The following YIPF4 variants were observed in gnomAD, a reference collection of about 807,000 sequenced individuals.
YIPF4 encodes the protein protein YIPF4.
In YIPF4, 18 loss-of-function variants were observed where a neutral mutation model predicts 29.4. The ratio of observed to expected loss-of-function variants is 0.61; its 90% CI spans 0.42 to 0.91. The LOEUF is 0.91. YIPF4 is among the 40% of genes least tolerant of loss of function. The probability of loss-of-function intolerance (pLI) is 0.00; values close to 1 mark genes in which losing one functional copy is unlikely to be tolerated. For missense variants in YIPF4, 279 were observed against 282.7 expected, an observed-to-expected ratio of 0.99 and a Z score of 0.09; for synonymous variants, 115 against 104.7, an observed-to-expected ratio of 1.10 and a Z score of -0.60.
At chr2:32,303,427 G>C (rs1332087155) in intron 5 of YIPF4, among the ~76,000 whole-genome samples, 1 of 152,190 alleles carries the variant, frequency 6.6e-6, no homozygotes, top group East Asian at 1.9e-4. Flanking sequence ...TATAAAATAG[G>C]CCAGGTATGG....
At chr2:32,284,370 A>G (rs1285291454) in intron 1 of YIPF4, among the ~76,000 whole-genome samples, 1 of 152,174 alleles carries the variant, frequency 6.6e-6, no homozygotes, top group African/African-American at 2.4e-5. Flanking sequence ...GTCCCTGCCC[A>G]AATCTCATGT....
chr2:32,278,452 AGCCCT>A (rs1418255247), intron 1 of YIPF4, among the ~76,000 whole-genome samples: 2 of 151,982 alleles, frequency 1.3e-5, no homozygotes, highest in African/African-American at 4.8e-5. Flanking sequence ...TTACTCGGTC[AGCCCT>A]TGGTTTTCCC....
rs1302693230 is a variant in YIPF4 at position 32,315,806 on chromosome 2, T to C, written c.*10180T>C. ...TCCTTATACCAAAGTACATTACCCT[T>C]GTATCAAATATTTTAAAAACTGGAA... On this transcript the variant is annotated 3_prime_UTR_variant, in exon 6 of 6. Coordinates refer to ENST00000238831, the MANE Select transcript of YIPF4 (RefSeq NM_032312.4). 1 of 151,826 alleles carries C rather than the reference T, an allele frequency of 6.6e-6. No individual in the cohort carries two copies. The highest frequency in any genetic ancestry group is 1.5e-5 in the Non-Finnish European group (1 of 67,948). 9.4% of individuals were successfully genotyped at this position (151,826 alleles called of 1,614,324 possible).
Position 32,307,621 on chromosome 2 carries a change from T to G in YIPF4, c.*1995T>G, listed in dbSNP as rs903392553. 1 of 152,370 alleles carries G rather than the reference T, an allele frequency of 6.6e-6. No individual in the cohort carries two copies. Among genetic ancestry groups the G allele is most frequent in the African/African-American group, 2.4e-5 (1 of 41,410 alleles). The allele number at this position is 152,370 out of a possible 1,614,324, so 9.4% of individuals were successfully genotyped here. The stretch of plus-strand genomic sequence containing the variant: ...AATGAGCAAAGTAGTTAGAACAGAT[T>G]GTCAGTTTAAAAACAGGATTTGTAG... On this transcript the variant is annotated 3_prime_UTR_variant, in exon 6 of 6. Coordinates refer to ENST00000238831, the MANE Select transcript of YIPF4 (RefSeq NM_032312.4).
chr2:32,300,155 A>G (rs983467742), intron 4 of YIPF4, among the ~76,000 whole-genome samples: 1 of 152,098 alleles, frequency 6.6e-6, no homozygotes, highest in Non-Finnish European at 1.5e-5. Context: ...AATCCCAGCT[A>G]CTCGGGAAGC....
intron 3 of YIPF4, 57 bp downstream of exon 3, chr2:32,292,405 A>T (rs1460898950): frequency 4.9e-6 from 6 of 1,232,630 alleles, no homozygotes; most frequent in East Asian, 2.8e-5. Flanking sequence ...CAAAAATTAA[A>T]TATAATAAGA....
Position 32,305,690 on chromosome 2 carries a change from T to G in YIPF4, c.*64T>G. 1 of 1,358,688 alleles carries G rather than the reference T, an allele frequency of 7.4e-7. No homozygotes were observed. Among genetic ancestry groups the G allele is most frequent in the Non-Finnish European group, 9.5e-7 (1 of 1,051,210 alleles). 84.2% of individuals were successfully genotyped at this position (1,358,688 alleles called of 1,614,324 possible). A position where few individuals can be genotyped will look rare whatever the true frequency, so the allele number is the denominator to read the frequency against. On this transcript the variant is annotated 3_prime_UTR_variant, in exon 6 of 6. Transcript: ENST00000238831. ...TTGTGTGTAGGCTGGGAATTCTTGC[T>G]GAAGGAATTGGAGAAAACCTGTTGC...
chr2:32,300,838 A>G (rs991764534), intron 4 of YIPF4, among the ~76,000 whole-genome samples: 7 of 152,220 alleles, frequency 4.6e-5, no homozygotes, highest in African/African-American at 9.6e-5. Context: ...AATAGGGACA[A>G]TAATGCCTAT....
At chr2:32,288,350 ATAATT>A (rs1399395325) in intron 1 of YIPF4, among the ~76,000 whole-genome samples, 4 of 152,144 alleles carry the variant, frequency 2.6e-5, no homozygotes, top group Admixed American at 1.3e-4. Flanking sequence ...CCTTAGCACT[ATAATT>A]TATATATCCT....
Position 32,305,996 on chromosome 2 carries a change from A to T in YIPF4, c.*370A>T, listed in dbSNP as rs189375990. On this transcript the variant is annotated 3_prime_UTR_variant, in exon 6 of 6. Transcript: ENST00000238831. ...CAATATCTTGATAATCAAAAGTGCAATTTTTTTCTTCAAAATGTTTTCTCC... is the reference window on the plus strand; with the variant it reads ...CAATATCTTGATAATCAAAAGTGCATTTTTTTTCTTCAAAATGTTTTCTCC... 1 of 985,238 alleles carries T rather than the reference A, an allele frequency of 1.0e-6. No homozygotes were observed. Among genetic ancestry groups the T allele is most frequent in the Non-Finnish European group, 1.2e-6 (1 of 829,516 alleles). 61.0% of individuals were successfully genotyped at this position (985,238 alleles called of 1,614,324 possible).
Position 32,280,135 on chromosome 2 carries a change from A to AT in YIPF4, c.79+1911dup, listed in dbSNP as rs1353044337. The stretch of plus-strand genomic sequence containing the variant: ...GTGCCCAGCTAATATATATATATAT[A>AT]TTTTTTTTTTGAGGCGGAGTCTCAC... On this transcript the variant is annotated intron_variant, in intron 1 of 5. Coordinates refer to ENST00000238831, the MANE Select transcript of YIPF4 (RefSeq NM_032312.4). Among the ~76,000 whole-genome samples the AT allele has an allele frequency of 7.1e-3, 1,000 of 141,608 alleles. 23 individuals are homozygous for AT. Among genetic ancestry groups the AT allele is most frequent in the African/African-American group, 0.024 (906 of 38,288 alleles). The allele number at this position is 141,608 out of a possible 152,430, so 92.9% of individuals were successfully genotyped here. A position where few individuals can be genotyped will look rare whatever the true frequency, so the allele number is the denominator to read the frequency against.
chr2:32,290,321 T>C (rs1256572909), intron 1 of YIPF4, among the ~76,000 whole-genome samples, 162 bp from the exon 2 acceptor site: 5 of 152,190 alleles, frequency 3.3e-5, no homozygotes, highest in African/African-American at 1.2e-4. Context: ...AAATGATGGT[T>C]TTTAGATGTC....
intron 5 of YIPF4, among the ~76,000 whole-genome samples, chr2:32,302,307 G>T (rs142762371): frequency 0.018 from 2,811 of 152,196 alleles, 34 homozygotes; most frequent in Middle Eastern, 0.054. Context: ...GGGATTACAA[G>T]CGTGAGCCAC....
intron 1 of YIPF4, among the ~76,000 whole-genome samples, chr2:32,284,039 A>G (rs1336624441): frequency 6.6e-6 from 1 of 152,000 alleles, no homozygotes; most frequent in Non-Finnish European, 1.5e-5. Context: ...TCACTTCTTA[A>G]TTTAAGCTTT....
intron 3 of YIPF4, among the ~76,000 whole-genome samples, chr2:32,296,852 G>C (rs1251441486): frequency 6.6e-6 from 1 of 152,122 alleles, no homozygotes; most frequent in African/African-American, 2.4e-5. Flanking sequence ...GGTAGATCTT[G>C]CATGCAGTAA....
chr2:32,282,393 A>G (rs189226577), intron 1 of YIPF4, among the ~76,000 whole-genome samples: 2 of 152,264 alleles, frequency 1.3e-5, no homozygotes, highest in East Asian at 1.9e-4. Context: ...GGCTTTATCA[A>G]TTACTCTCCA....
At chr2:32,296,139 A>T (rs1341531150) in intron 3 of YIPF4, among the ~76,000 whole-genome samples, 1 of 152,160 alleles carries the variant, frequency 6.6e-6, no homozygotes, top group Non-Finnish European at 1.5e-5. Flanking sequence ...GAACATCTCT[A>T]ATTGTATCTG....
In YIPF4 at chr2:32,282,468, T is replaced by G. The variant is rs889557066; in HGVS notation, c.79+4234T>G. ...TTGTTTTTGAGACGGAGTCTCGCCC[T>G]GTCGCCCAGGCTGGAGTGCAATGGC... On this transcript the variant is annotated intron_variant, in intron 1 of 5. Coordinates refer to ENST00000238831, the MANE Select transcript of YIPF4 (RefSeq NM_032312.4). 2.0e-5 allele frequency among the ~76,000 whole-genome samples: 3 copies of G among 152,304 alleles called. No individual in the cohort carries two copies. In the South Asian group the frequency reaches 6.2e-4, roughly 32 times the overall value.
Position 32,311,342 on chromosome 2 carries a change from C to G in YIPF4, c.*5716C>G, listed in dbSNP as rs1047497081. On this transcript the variant is annotated 3_prime_UTR_variant, in exon 6 of 6. Transcript: ENST00000238831. ...AAACATGAAATTTAGGATTAGTTTT[C>G]TCTTTGAAAATTCTTTTGATATGCT... 1 of 152,126 alleles carries G rather than the reference C, an allele frequency of 6.6e-6. No homozygotes were observed. Among genetic ancestry groups the G allele is most frequent in the African/African-American group, 2.4e-5 (1 of 41,432 alleles). The allele number at this position is 152,126 out of a possible 1,614,324, so 9.4% of individuals were successfully genotyped here.
Sources: allele counts gnomAD v4.1 joint callset (sites outside exome capture counted in the v4.1 genomes callset), GRCh38; gene constraint gnomAD v4.1.1; transcripts MANE v1.5; gene names NCBI Gene and HGNC (gene_info 2026-07-23, HGNC 2026-07-21).